DNAI4: variants seen among roughly 807,000 people sequenced by gnomAD.
The protein encoded by DNAI4 is WD repeat domain 78.
DNAI4 carries 85 observed loss-of-function variants against 105.8 expected under a neutral mutation model. The ratio of observed to expected loss-of-function variants is 0.80; its 90% confidence interval spans 0.67 to 0.96. DNAI4 has a LOEUF of 0.96. Ranked by LOEUF, DNAI4 falls within the 40% of genes least tolerant of loss-of-function variation. The pLI is 0.00. For synonymous variants in DNAI4, 352 were observed against 331.5 expected (o/e 1.06, Z -0.67); for missense variants, 1,014 against 1,005.6 (o/e 1.01, Z -0.11).
At chr1:66,852,915 A>G (rs1260263025) in intron 7 of DNAI4, among the ~76,000 whole-genome samples, 1 of 152,158 alleles carries the variant, frequency 6.6e-6, no homozygotes, top group African/African-American at 2.4e-5. Context: ...AGAAGTTAGC[A>G]ATCTGCAACA....
intron 13 of DNAI4, among the ~76,000 whole-genome samples, chr1:66,833,302 T>C (rs1020089474): frequency 1.3e-5 from 2 of 152,154 alleles, no homozygotes; most frequent in East Asian, 1.9e-4. Context: ...AGTTTGTTCA[T>C]AGAGTTGTGC....
chr1:66,871,147 C>T, intron 6 of DNAI4: 1 of 465,112 alleles, frequency 2.2e-6, no homozygotes, highest in Non-Finnish European at 3.7e-6. Context: ...ATATAGTATG[C>T]ATAAAAACCA....
chr1:66,877,051 C>G (rs1247168611), intron 4 of DNAI4, among the ~76,000 whole-genome samples: 1 of 152,094 alleles, frequency 6.6e-6, no homozygotes, highest in East Asian at 1.9e-4. Context: ...TTACCCTTAT[C>G]ATATTTTTCA....
chr1:66,862,396 G>A (rs1417824147), intron 6 of DNAI4, 94 bp from the exon 7 acceptor site: 12 of 1,323,972 alleles, frequency 9.1e-6, no homozygotes, highest in Admixed American at 4.9e-5. Context: ...GCTAAGATAA[G>A]AATATCTACT....
chr1:66,885,424 C>T (rs1647171901), intron 4 of DNAI4, among the ~76,000 whole-genome samples: 1 of 152,164 alleles, frequency 6.6e-6, no homozygotes, highest in Non-Finnish European at 1.5e-5. Context: ...TTCATTTCTC[C>T]TTCACTGTTG....
At chr1:66,918,321 C>T (rs1343944696) in intron 1 of DNAI4, among the ~76,000 whole-genome samples, 1 of 152,154 alleles carries the variant, frequency 6.6e-6, no homozygotes. Context: ...CTAATGTTTT[C>T]TCAATGTTTA....
In DNAI4 at chr1:66,874,913, G is replaced by A. The variant is rs761555995; in HGVS notation, c.668C>T (p.Pro223Leu). 8 of 1,605,208 alleles carry A rather than the reference G, an allele frequency of 5.0e-6. No homozygotes were observed. In the Admixed American group the frequency reaches 1.4e-4, roughly 28 times the overall value. ...FTDLQVIRAA[P>L]EKIVTKEDLE... is the part of the protein sequence containing the mutation. ...GTCTTCTTTTGTTACAATTTTTTCAGGTGCTGCCCTTATAACTTGCAAATC... is the reference window on the plus strand; with the variant it reads ...GTCTTCTTTTGTTACAATTTTTTCAAGTGCTGCCCTTATAACTTGCAAATC... The change falls in exon 5 of 17, where the codon CCT becomes CTT. Residue 223 changes from proline (P) to leucine (L), a missense_variant. Transcript: ENST00000371026.
At chr1:66,910,793 T>C (rs549549139) in intron 1 of DNAI4, among the ~76,000 whole-genome samples, 1 of 152,342 alleles carries the variant, frequency 6.6e-6, no homozygotes, top group East Asian at 1.9e-4. Context: ...TCCATGAGGG[T>C]AGGAACTTTA....
At chr1:66,922,624 G>A (rs867064613) in intron 1 of DNAI4, among the ~76,000 whole-genome samples, 1 of 152,182 alleles carries the variant, frequency 6.6e-6, no homozygotes, top group Non-Finnish European at 1.5e-5. Flanking sequence ...GTAACACAGT[G>A]ATTTACATGG....
At chr1:66,872,749 A>T (rs1646873905) in intron 5 of DNAI4, among the ~76,000 whole-genome samples, 1 of 151,994 alleles carries the variant, frequency 6.6e-6, no homozygotes, top group South Asian at 2.1e-4. Flanking sequence ...TAATAATAAG[A>T]GATGTGGTCT....
intron 13 of DNAI4, among the ~76,000 whole-genome samples, chr1:66,832,529 G>A (rs1053196044): frequency 6.6e-6 from 1 of 152,170 alleles, no homozygotes; most frequent in African/African-American, 2.4e-5. Context: ...AAAGGTAGTT[G>A]GGGGTAGGGC....
chr1:66,829,168 A>G (rs543485974), intron 13 of DNAI4, among the ~76,000 whole-genome samples: 1 of 152,356 alleles, frequency 6.6e-6, no homozygotes, highest in Non-Finnish European at 1.5e-5. Context: ...AGGAGGCCAG[A>G]TATTTTATAT....
At chr1:66,826,660 A>G (rs994196788) in intron 15 of DNAI4, among the ~76,000 whole-genome samples, 160 bp downstream of exon 15, 2 of 152,212 alleles carry the variant, frequency 1.3e-5, no homozygotes, top group Non-Finnish European at 2.9e-5. Context: ...ATTGACATTA[A>G]TATAGCATCC....
At chr1:66,887,171 C>T (rs1348468684) in intron 4 of DNAI4, among the ~76,000 whole-genome samples, 1 of 152,118 alleles carries the variant, frequency 6.6e-6, no homozygotes, top group Non-Finnish European at 1.5e-5. Flanking sequence ...GAATTTTTTA[C>T]TCTTATACTA....
intron 4 of DNAI4, among the ~76,000 whole-genome samples, chr1:66,889,873 C>T (rs1647447034): frequency 6.6e-6 from 1 of 152,170 alleles, no homozygotes. Flanking sequence ...CTTTAAAAAC[C>T]TGATTCAAAA....
chr1:66,887,816 G>A (rs995262239), intron 4 of DNAI4, among the ~76,000 whole-genome samples: 6 of 151,964 alleles, frequency 3.9e-5, no homozygotes, highest in Non-Finnish European at 8.8e-5. Flanking sequence ...AAAATTAGCT[G>A]AGTGTGGTGG....
At chr1:66,880,638 A>G (rs555024083) in intron 4 of DNAI4, among the ~76,000 whole-genome samples, 1 of 152,222 alleles carries the variant, frequency 6.6e-6, no homozygotes, top group Non-Finnish European at 1.5e-5. Context: ...GGGTGCTGTT[A>G]AAGGCATTCA....
At position 66,891,148 on chromosome 1, in the gene DNAI4, C is replaced by A. The variant is rs764676057; in HGVS notation, c.643+6G>T. 6.3e-7 allele frequency: 1 copy of A among 1,582,600 alleles called. No homozygotes were observed. Among genetic ancestry groups the A allele is most frequent in the Admixed American group, 1.7e-5 (1 of 59,982 alleles). On this transcript the variant is annotated splice_donor_region_variant and intron_variant, in intron 4 of 16. Coordinates refer to ENST00000371026, the MANE Select transcript of DNAI4 (RefSeq NM_024763.5). ...TTACTGAAATAAACAAGTATATTTT[C>A]ATTACCTGTGAAACTAGTCAATCTT...
rs767450016 is a variant in DNAI4 at position 66,840,558 on chromosome 1, G to T, written c.1405C>A (p.Pro469Thr). 6.2e-7 allele frequency: 1 copy of T among 1,614,162 alleles called. No homozygotes were observed. Among genetic ancestry groups the T allele is most frequent in the South Asian group, 1.1e-5 (1 of 91,080 alleles). ...EEIHAEESTI[P>T]ANLERLWSFS... ...GACCAAAGTCGTTCCAAGTTGGCGG[G>T]TATTGTTGATTCTTCTGCATGTATT... The change falls in exon 9 of 17, where the codon CCC becomes ACC. Residue 469 changes from proline to threonine, a missense_variant. Physicochemically the swap from Pro to Thr is conservative, Grantham distance 38. Coordinates refer to ENST00000371026, the MANE Select transcript of DNAI4 (RefSeq NM_024763.5).
Sources: gnomAD v4.1 joint callset for allele counts (sites outside exome capture counted in the v4.1 genomes callset) on GRCh38, gnomAD v4.1.1 for gene constraint, MANE v1.5 for transcripts, NCBI Gene and HGNC (gene_info 2026-07-23, HGNC 2026-07-21) for gene names.